The following CCDC192 variants were observed in gnomAD, a reference collection of about 807,000 sequenced individuals.
The protein encoded by CCDC192 is coiled-coil domain-containing protein 192.
intron 6 of CCDC192, among the ~76,000 whole-genome samples, chr5:127,891,180 G>A (rs1580800978): frequency 6.6e-6 from 1 of 152,148 alleles, no homozygotes; most frequent in East Asian, 1.9e-4. Context: ...AGCCTCCAGA[G>A]TAGCTGGGAT....
chr5:127,877,682 C>T (rs1044488663), intron 6 of CCDC192, among the ~76,000 whole-genome samples: 2 of 151,968 alleles, frequency 1.3e-5, no homozygotes, highest in African/African-American at 4.8e-5. Flanking sequence ...AATCTGGTCA[C>T]CTTGGCCTCT....
intron 6 of CCDC192, among the ~76,000 whole-genome samples, chr5:127,924,590 G>T (rs544998517): frequency 6.6e-6 from 1 of 152,356 alleles, no homozygotes; most frequent in African/African-American, 2.4e-5. Context: ...CCAAGGGTAT[G>T]TTGTGACCCC....
intron 5 of CCDC192, among the ~76,000 whole-genome samples, chr5:127,821,341 G>A (rs1297982111): frequency 2.0e-5 from 3 of 152,208 alleles, no homozygotes; most frequent in Admixed American, 2.0e-4. Context: ...AATAGAAGGT[G>A]CTATGATTTA....
At chr5:127,713,652 C>T (rs765995873) in intron 2 of CCDC192, among the ~76,000 whole-genome samples, 7 of 152,086 alleles carry the variant, frequency 4.6e-5, no homozygotes, top group Non-Finnish European at 8.8e-5. Flanking sequence ...AAATATTTCT[C>T]CTAATTTTTA....
intron 5 of CCDC192, among the ~76,000 whole-genome samples, chr5:127,817,007 G>A (rs1415258973): frequency 6.6e-6 from 1 of 152,084 alleles, no homozygotes; most frequent in Non-Finnish European, 1.5e-5. Context: ...ATTTAAATTT[G>A]TCAAACAAAG....
chr5:127,862,355 G>A (rs527553124), intron 5 of CCDC192, among the ~76,000 whole-genome samples: 2 of 152,240 alleles, frequency 1.3e-5, no homozygotes, highest in African/African-American at 4.8e-5. Flanking sequence ...CATTCATGCT[G>A]GCCTCAGTGC....
At chr5:127,809,771 G>A (rs1468853085) in intron 5 of CCDC192, among the ~76,000 whole-genome samples, 1 of 152,098 alleles carries the variant, frequency 6.6e-6, no homozygotes, top group Non-Finnish European at 1.5e-5. Context: ...GAGGGAAGAT[G>A]GTCAGAACCA....
At chr5:127,784,349 A>T (rs57808867) in intron 3 of CCDC192, among the ~76,000 whole-genome samples, 2 of 152,098 alleles carry the variant, frequency 1.3e-5, no homozygotes, top group African/African-American at 4.8e-5. Context: ...ATGCAGTAGC[A>T]TGCAGCCTTC....
intron 2 of CCDC192, among the ~76,000 whole-genome samples, chr5:127,725,568 T>C (rs1317900743): frequency 1.3e-5 from 2 of 152,186 alleles, no homozygotes; most frequent in Non-Finnish European, 2.9e-5. Flanking sequence ...TACTAAAGCT[T>C]CAAAATCAGT....
intron 6 of CCDC192, among the ~76,000 whole-genome samples, chr5:127,880,573 G>A (rs1282520534): frequency 6.6e-6 from 1 of 150,812 alleles, no homozygotes; most frequent in Admixed American, 6.6e-5. Flanking sequence ...TGCACAATGT[G>A]CACATGTACC....
At chr5:127,740,832 G>A (rs1356613608) in intron 2 of CCDC192, among the ~76,000 whole-genome samples, 1 of 152,148 alleles carries the variant, frequency 6.6e-6, no homozygotes, top group Non-Finnish European at 1.5e-5. Context: ...CTACAGGCAT[G>A]TGCGTTTCCT....
At chr5:127,920,500 C>T (rs961040075) in intron 6 of CCDC192, among the ~76,000 whole-genome samples, 6 of 150,352 alleles carry the variant, frequency 4.0e-5, no homozygotes, top group Admixed American at 3.3e-4. Context: ...CCTCTGCCCT[C>T]CTGGGTTCAA....
At chr5:127,711,934 G>A (rs1751358407) in intron 2 of CCDC192, among the ~76,000 whole-genome samples, 1 of 151,898 alleles carries the variant, frequency 6.6e-6, no homozygotes, top group Non-Finnish European at 1.5e-5. Flanking sequence ...TATACAAGTT[G>A]ATGAGTTTTG....
intron 6 of CCDC192, among the ~76,000 whole-genome samples, chr5:127,913,249 G>T (rs1753426573): frequency 1.3e-5 from 2 of 152,168 alleles, no homozygotes; most frequent in Non-Finnish European, 2.9e-5. Flanking sequence ...AGAAAAGGAA[G>T]GTCTAGGAAG....
chr5:127,897,424 A>G (rs970279229), intron 6 of CCDC192, among the ~76,000 whole-genome samples: 3 of 152,208 alleles, frequency 2.0e-5, no homozygotes, highest in Admixed American at 6.5e-5. Context: ...TCATTGAAGT[A>G]TTTAGCTGGA....
At chr5:127,736,698 T>C (rs1284930228) in intron 2 of CCDC192, among the ~76,000 whole-genome samples, 1 of 151,664 alleles carries the variant, frequency 6.6e-6, no homozygotes, top group Admixed American at 6.6e-5. Flanking sequence ...TTCTTCTAGA[T>C]TTTCTAGTTT....
intron 6 of CCDC192, among the ~76,000 whole-genome samples, chr5:127,940,144 G>A (rs908288806): frequency 2.6e-5 from 4 of 152,108 alleles, no homozygotes; most frequent in African/African-American, 4.8e-5. Flanking sequence ...TTATCTCTTT[G>A]TGGAACCTCT....
At chr5:127,792,525 C>CATATATATATATATATAT (rs34017962) in intron 3 of CCDC192, among the ~76,000 whole-genome samples, 82 of 141,280 alleles carry the variant, frequency 5.8e-4, no homozygotes, top group African/African-American at 2.0e-3. Flanking sequence ...ATCACCATCT[C>CATATATATATATATATAT]ATATATATAT....
intron 2 of CCDC192, among the ~76,000 whole-genome samples, chr5:127,746,952 A>C (rs1192973296): frequency 6.6e-6 from 1 of 152,110 alleles, no homozygotes; most frequent in Non-Finnish European, 1.5e-5. Flanking sequence ...TTACCACCAG[A>C]TGGCTCTATT....
Sources: gnomAD v4.1 joint callset for allele counts (sites outside exome capture counted in the v4.1 genomes callset) on GRCh38, gnomAD v4.1.1 for gene constraint, MANE v1.5 for transcripts, NCBI Gene and HGNC (gene_info 2026-07-23, HGNC 2026-07-21) for gene names.